The following GCFC2 variants were observed in gnomAD, a reference collection of about 807,000 sequenced individuals.
The protein encoded by GCFC2 is GC-rich sequence DNA-binding factor 2.
Under a neutral mutation model 99.4 loss-of-function variants are expected in GCFC2, and 102 were observed. The ratio of observed to expected loss-of-function variants is 1.03; its 90% CI spans 0.87 to 1.21. The LOEUF (loss-of-function observed/expected upper bound fraction) is 1.21, where lower values mean the gene tolerates loss of function less well. GCFC2 is among the 50% of genes most tolerant of loss of function. GCFC2 has a pLI of 0.00. For synonymous variants in GCFC2, 338 were observed against 316.8 expected (o/e 1.07, Z -0.71); for missense variants, 973 against 920.9 (o/e 1.06, Z -0.73).
chr2:75,708,501 C>CTTTTT lies in GCFC2; in HGVS notation c.266-1855_266-1851dup, dbSNP rs34414596. Among the ~76,000 whole-genome samples, 9 of 78,640 alleles carry CTTTTT rather than the reference C, an allele frequency of 1.1e-4. 1 individual carries two copies. The highest frequency in any genetic ancestry group is 1.7e-4 in the Non-Finnish European group (7 of 40,660). The allele number at this position is 78,640 out of a possible 152,430, so 51.6% of individuals were successfully genotyped here. On this transcript the variant is annotated intron_variant, in intron 1 of 16. Transcript: ENST00000321027. The stretch of plus-strand genomic sequence containing the variant: ...TATGGTTTAAGAATCCATTTGGCAA[C>CTTTTT]TTTTTTTTTTTTTTTTTTTTTTTTT...
chr2:75,669,149 C>T (rs1031356993), intron 15 of GCFC2, among the ~76,000 whole-genome samples: 6 of 152,090 alleles, frequency 3.9e-5, no homozygotes, highest in Non-Finnish European at 7.4e-5. Flanking sequence ...TACTGTTGCA[C>T]GTGTTTTGGC....
At chr2:75,705,873 A>T (rs995419771) in intron 2 of GCFC2, among the ~76,000 whole-genome samples, 2 of 152,172 alleles carry the variant, frequency 1.3e-5, no homozygotes, top group Admixed American at 1.3e-4. Flanking sequence ...CTTTGTGGCA[A>T]CTTCTCAACT....
At chr2:75,712,027 A>C (rs970436051), upstream of GCFC2, among the ~76,000 whole-genome samples, 1 of 152,272 alleles carries the variant, frequency 6.6e-6, no homozygotes, top group Non-Finnish European at 1.5e-5. Flanking sequence ...AGGTGAAGCC[A>C]GTTGGGCTCC....
chr2:75,675,339 A>G (rs772663277), intron 12 of GCFC2, among the ~76,000 whole-genome samples: 16 of 152,334 alleles, frequency 1.1e-4, no homozygotes, highest in Non-Finnish European at 1.9e-4. Flanking sequence ...ATGGGGCAAA[A>G]TATTAATGAC....
At chr2:75,679,597 G>T (rs1679481584) in intron 12 of GCFC2, among the ~76,000 whole-genome samples, 1 of 152,110 alleles carries the variant, frequency 6.6e-6, no homozygotes, top group African/African-American at 2.4e-5. Context: ...CTATTATTTG[G>T]TAGACTACAA....
At chr2:75,710,294 G>T (rs1412598395) in intron 1 of GCFC2, 1 of 416,932 alleles carries the variant, frequency 2.4e-6, no homozygotes, top group Non-Finnish European at 4.0e-6. Flanking sequence ...CATAAACTTT[G>T]ATAACTGTGT....
chr2:75,711,811 C>T (rs1486928026), upstream of GCFC2, among the ~76,000 whole-genome samples: 1 of 152,250 alleles, frequency 6.6e-6, no homozygotes, highest in African/African-American at 2.4e-5. Flanking sequence ...TGCCTTCCCG[C>T]GGTGCAGGGC....
intron 11 of GCFC2, among the ~76,000 whole-genome samples, chr2:75,682,362 T>C (rs1240944765): frequency 6.6e-6 from 1 of 151,840 alleles, no homozygotes; most frequent in Admixed American, 6.6e-5. Flanking sequence ...GGCCTGACTG[T>C]TAAAAGCAAA....
rs536278031 is a variant in GCFC2 at position 75,681,953 on chromosome 2, T to TA, written c.1691-1640dup. Among the ~76,000 whole-genome samples, 74 of 151,932 alleles carry TA rather than the reference T, an allele frequency of 4.9e-4. 1 individual carries two copies. In the South Asian group the frequency reaches 0.015, roughly 31 times the overall value. ...AAGCCAGCAGCCCCAGTCAGGGACT[T>TA]AGAGATAAAACCCCCATCTTCCATG... is the stretch of plus-strand genomic sequence containing the variant. On this transcript the variant is annotated intron_variant, in intron 11 of 16. Transcript: ENST00000321027.
At chr2:75,698,820 T>C (rs529325236) in intron 4 of GCFC2, among the ~76,000 whole-genome samples, 3 of 152,166 alleles carry the variant, frequency 2.0e-5, no homozygotes, top group Non-Finnish European at 4.4e-5. Context: ...GAGACCAGCC[T>C]AGGCAACATG....
intron 15 of GCFC2, among the ~76,000 whole-genome samples, chr2:75,666,621 A>G (rs1192732092): frequency 2.6e-5 from 4 of 152,100 alleles, no homozygotes; most frequent in African/African-American, 9.7e-5. Context: ...GGAAATGGAA[A>G]TTACATTTTA....
intron 11 of GCFC2, among the ~76,000 whole-genome samples, chr2:75,686,502 G>C (rs1474200556): frequency 1.3e-5 from 2 of 152,150 alleles, no homozygotes; most frequent in Non-Finnish European, 2.9e-5. Context: ...CAGTGCTTTG[G>C]GAAGCTTAGG....
At chr2:75,666,891 G>C (rs1678862251) in intron 15 of GCFC2, among the ~76,000 whole-genome samples, 1 of 152,054 alleles carries the variant, frequency 6.6e-6, no homozygotes, top group African/African-American at 2.4e-5. Context: ...TAACTCACCA[G>C]ACCAACTCAA....
chr2:75,694,211 G>C (rs1453891118), intron 6 of GCFC2, 30 bp downstream of exon 6: 1 of 583,860 alleles, frequency 1.7e-6, no homozygotes, highest in Non-Finnish European at 3.0e-6. Flanking sequence ...TCCAAAAAAG[G>C]AAATGATATA....
At chr2:75,668,934 G>A (rs934602928) in intron 15 of GCFC2, among the ~76,000 whole-genome samples, 11 of 152,120 alleles carry the variant, frequency 7.2e-5, no homozygotes, top group Non-Finnish European at 1.3e-4. Context: ...AGTGAATGGT[G>A]CCCCTGCAAT....
At chr2:75,710,509 C>A in intron 1 of GCFC2, 82 bp downstream of exon 1, 18 of 1,411,232 alleles carry the variant, frequency 1.3e-5, no homozygotes, top group Non-Finnish European at 1.7e-5. Context: ...TTATAGAACC[C>A]CCAGAGAAGG....
chr2:75,710,634 G>A lies in GCFC2; in HGVS notation c.222C>T (p.Ser74=). ...GGGGAGCCGCTTTGGTGGCACGCCGGGAGCTCGCCCAGACCCGGCCCCGGC... is the reference window on the plus strand; with the variant it reads ...GGGGAGCCGCTTTGGTGGCACGCCGAGAGCTCGCCCAGACCCGGCCCCGGC... ...PRGRGRVWAS[S]RRATKAAPRA... is the part of the protein sequence containing the mutation. Residue 74 remains serine (S), a synonymous_variant, in exon 1 of 17, where the codon TCC becomes TCT. Coordinates refer to ENST00000321027, the MANE Select transcript of GCFC2 (RefSeq NM_003203.5). 7.2e-6 allele frequency: 11 copies of A among 1,517,394 alleles called. No individual in the cohort carries two copies. Among genetic ancestry groups the A allele is most frequent in the Non-Finnish European group, 9.7e-6 (11 of 1,139,578 alleles). 94.0% of individuals were successfully genotyped at this position (1,517,394 alleles called of 1,614,324 possible). A position where few individuals can be genotyped will look rare whatever the true frequency, so the allele number is the denominator to read the frequency against.
intron 15 of GCFC2, among the ~76,000 whole-genome samples, chr2:75,669,329 G>C (rs1254116928): frequency 6.6e-6 from 1 of 152,082 alleles, no homozygotes; most frequent in Non-Finnish European, 1.5e-5. Context: ...AGAAAGAATA[G>C]TATAATGAGC....
chr2:75,677,684 T>G (rs902335489), intron 12 of GCFC2, among the ~76,000 whole-genome samples: 13 of 152,174 alleles, frequency 8.5e-5, no homozygotes, highest in Non-Finnish European at 1.5e-5. Flanking sequence ...GGTTTCAGAA[T>G]AAAAACATCC....
Sources: gnomAD v4.1 joint callset for allele counts (sites outside exome capture counted in the v4.1 genomes callset) on GRCh38, gnomAD v4.1.1 for gene constraint, MANE v1.5 for transcripts, NCBI Gene and HGNC (gene_info 2026-07-23, HGNC 2026-07-21) for gene names.